DLG1: variants seen among roughly 807,000 people sequenced by gnomAD.
DLG1 encodes discs large MAGUK scaffold protein 1.
DLG1 carries 42 observed loss-of-function variants against 123.4 expected under a neutral mutation model. The ratio of observed to expected loss-of-function variants is 0.34; its 90% confidence interval spans 0.27 to 0.44. The LOEUF (loss-of-function observed/expected upper bound fraction) is 0.44, where lower values mean the gene tolerates loss of function less well. DLG1 is among the 20% of genes least tolerant of loss of function. The pLI is 1.00. For missense variants in DLG1, 942 were observed against 1,082.6 expected (o/e 0.87, Z 1.82); for synonymous variants, 317 against 356.2 (o/e 0.89, Z 1.24).
chr3:197,209,553 A>C (rs559175492), intron 4 of DLG1, among the ~76,000 whole-genome samples: 53 of 146,862 alleles, frequency 3.6e-4, no homozygotes, highest in African/African-American at 1.3e-3. Context: ...ACAACACTTA[A>C]CAACTGAAGA....
At chr3:197,260,700 A>C (rs1758946813) in intron 4 of DLG1, among the ~76,000 whole-genome samples, 1 of 139,650 alleles carries the variant, frequency 7.2e-6, no homozygotes, top group Admixed American at 7.6e-5. Flanking sequence ...TATAAATTTA[A>C]ATCTGCTTCT....
chr3:197,198,235 A>T (rs1466283268), intron 4 of DLG1, among the ~76,000 whole-genome samples: 1 of 152,176 alleles, frequency 6.6e-6, no homozygotes, highest in African/African-American at 2.4e-5. Context: ...CACGCCTGTA[A>T]TCCCAGCCTT....
intron 14 of DLG1, among the ~76,000 whole-genome samples, chr3:197,093,165 C>CT (rs1165149523): frequency 6.6e-4 from 98 of 149,052 alleles, no homozygotes; most frequent in Middle Eastern, 3.5e-3. Flanking sequence ...CATTTCTTTT[C>CT]TTTTTGTTTT....
At chr3:197,254,434 C>T (rs1755894842) in intron 4 of DLG1, among the ~76,000 whole-genome samples, 1 of 152,198 alleles carries the variant, frequency 6.6e-6, no homozygotes, top group Non-Finnish European at 1.5e-5. Flanking sequence ...ATCAGCCTCA[C>T]TGCAGCTTCC....
chr3:197,194,756 C>T (rs550412787), intron 4 of DLG1, among the ~76,000 whole-genome samples, 167 bp from the exon 5 acceptor site: 1 of 151,898 alleles, frequency 6.6e-6, no homozygotes, highest in South Asian at 2.1e-4. Context: ...AAAAATAATG[C>T]CAATAATAAA....
At chr3:197,280,369 A>G (rs565050370) in intron 4 of DLG1, among the ~76,000 whole-genome samples, 10 of 129,578 alleles carry the variant, frequency 7.7e-5, no homozygotes, top group Admixed American at 2.3e-4. Context: ...GTGTGTGTGT[A>G]TCACACTTTA....
At chr3:197,145,538 T>C (rs906320182) in intron 6 of DLG1, among the ~76,000 whole-genome samples, 14 of 152,216 alleles carry the variant, frequency 9.2e-5, no homozygotes, top group African/African-American at 3.4e-4. Context: ...CATTTGTTTA[T>C]TTCTAAATAA....
intron 4 of DLG1, among the ~76,000 whole-genome samples, chr3:197,268,917 T>G (rs1762813380): frequency 6.6e-6 from 1 of 151,982 alleles, no homozygotes; most frequent in Middle Eastern, 3.2e-3. Context: ...CACACACCCG[T>G]TAACTTAAGC....
At chr3:197,068,480 G>A in intron 19 of DLG1, 1 of 1,515,104 alleles carries the variant, frequency 6.6e-7, no homozygotes, top group Non-Finnish European at 9.0e-7. Flanking sequence ...AAGTATTAGG[G>A]ACTGATATTA....
chr3:197,111,253 T>C (rs574144165), intron 13 of DLG1, among the ~76,000 whole-genome samples: 1 of 152,138 alleles, frequency 6.6e-6, no homozygotes, highest in Non-Finnish European at 1.5e-5. Flanking sequence ...TTTCCAGACA[T>C]GGGGCATTCA....
intron 4 of DLG1, among the ~76,000 whole-genome samples, chr3:197,214,489 C>T (rs1036901285): frequency 2.6e-5 from 4 of 151,988 alleles, no homozygotes; most frequent in Non-Finnish European, 5.9e-5. Flanking sequence ...AGGAGAATGG[C>T]GTGAACCCAG....
chr3:197,289,369 A>ACACACAC (rs1560175311), intron 3 of DLG1, among the ~76,000 whole-genome samples: 1 of 98,380 alleles, frequency 1.0e-5, no homozygotes. Flanking sequence ...CACACACACA[A>ACACACAC]ATAACATTCC....
At chr3:197,151,607 T>C (rs1333252215) in intron 5 of DLG1, among the ~76,000 whole-genome samples, 1 of 152,232 alleles carries the variant, frequency 6.6e-6, no homozygotes, top group African/African-American at 2.4e-5. Context: ...TTCATTGTAC[T>C]ATTCTTTCTA....
chr3:197,217,458 T>A lies in DLG1; in HGVS notation c.319-22869A>T, dbSNP rs567907535. Reference sequence around the variant, plus strand: ...AAAACCTATTAAAATTTGGAATCAGTATGTACAAAATGGATATATATTTCA... The same window carrying A: ...AAAACCTATTAAAATTTGGAATCAGAATGTACAAAATGGATATATATTTCA... On this transcript the variant is annotated intron_variant, in intron 4 of 24. Transcript: ENST00000667157. 5.9e-5 allele frequency among the ~76,000 whole-genome samples: 9 copies of A among 152,312 alleles called. No individual in the cohort carries two copies. The South Asian group carries it at 1.9e-3, about 32-fold the overall frequency.
intron 4 of DLG1, among the ~76,000 whole-genome samples, chr3:197,219,211 CA>C (rs1454906672): frequency 5.3e-5 from 8 of 152,234 alleles, no homozygotes; most frequent in South Asian, 4.1e-4. Flanking sequence ...CCTCTATTCT[CA>C]AACACATGCT....
chr3:197,242,666 C>A (rs1395973943), intron 4 of DLG1, among the ~76,000 whole-genome samples: 1 of 151,836 alleles, frequency 6.6e-6, no homozygotes, highest in Non-Finnish European at 1.5e-5. Flanking sequence ...GGAAATTAGA[C>A]AACATGCTCC....
At chr3:197,207,409 C>G (rs1729135231) in intron 4 of DLG1, among the ~76,000 whole-genome samples, 1 of 152,160 alleles carries the variant, frequency 6.6e-6, no homozygotes, top group South Asian at 2.1e-4. Context: ...CAGAAAGAAT[C>G]AAGTCAAAGA....
intron 14 of DLG1, among the ~76,000 whole-genome samples, chr3:197,097,970 T>C (rs1314664938): frequency 6.6e-6 from 1 of 152,170 alleles, no homozygotes; most frequent in African/African-American, 2.4e-5. Flanking sequence ...CTTTTCAATA[T>C]TACCTTTGTT....
chr3:197,271,099 C>T (rs750217947), intron 4 of DLG1, among the ~76,000 whole-genome samples: 3 of 151,818 alleles, frequency 2.0e-5, no homozygotes, highest in Non-Finnish European at 4.4e-5. Context: ...CAACCCATTC[C>T]AACAGTCACC....
Sources: allele counts gnomAD v4.1 joint callset (sites outside exome capture counted in the v4.1 genomes callset), GRCh38; gene constraint gnomAD v4.1.1; transcripts MANE v1.5; gene names NCBI Gene and HGNC (gene_info 2026-07-23, HGNC 2026-07-21).